KLF12: variants seen among roughly 807,000 people sequenced by gnomAD.
KLF12 encodes the protein KLF transcription factor 12.
Under a neutral mutation model 37.8 loss-of-function variants are expected in KLF12, and 9 were observed. The ratio of observed to expected loss-of-function variants is 0.24; its 90% CI spans 0.14 to 0.42. The LOEUF (loss-of-function observed/expected upper bound fraction) is 0.42, where lower values mean the gene tolerates loss of function less well. KLF12 is among the 10% of genes least tolerant of loss of function. The pLI is 1.00. For synonymous variants in KLF12, 208 were observed against 202.1 expected, an observed-to-expected ratio of 1.03 and a Z score of -0.25; for missense variants, 411 against 516.0, an observed-to-expected ratio of 0.80 and a Z score of 1.97.
rs1025112075 is a variant in KLF12, at chr13:73,688,513, A to G, written c.*6977T>C. ...GATTCTAGAATGTCTATATTGGTGGAAAGGTATACAAAGAGTTGAGGAACT... is the reference window on the plus strand; with the variant it reads ...GATTCTAGAATGTCTATATTGGTGGGAAGGTATACAAAGAGTTGAGGAACT... On this transcript the variant is annotated 3_prime_UTR_variant, in exon 8 of 8. Coordinates refer to ENST00000377669, the MANE Select transcript of KLF12 (RefSeq NM_007249.5). The G allele has an allele frequency of 1.3e-5, 2 of 152,178 alleles. No homozygotes were observed. The highest frequency in any genetic ancestry group is 2.4e-5 in the African/African-American group (1 of 41,456). The allele number at this position is 152,178 out of a possible 1,614,324, so 9.4% of individuals were successfully genotyped here.
At chr13:73,796,365 T>A (rs1881962886) in intron 5 of KLF12, among the ~76,000 whole-genome samples, 1 of 111,160 alleles carries the variant, frequency 9.0e-6, no homozygotes. Flanking sequence ...TATCTCTAGT[T>A]CACTTTTTTT....
chr13:74,021,026 C>T (rs1264386821), intron 1 of KLF12, among the ~76,000 whole-genome samples: 1 of 152,188 alleles, frequency 6.6e-6, no homozygotes, highest in Non-Finnish European at 1.5e-5. Flanking sequence ...TCTGCTACTA[C>T]ACAGCTGTGC....
chr13:74,191,626 T>G, the KLF12 span, among the ~76,000 whole-genome samples: 1 of 152,124 alleles, frequency 6.6e-6, no homozygotes, highest in Non-Finnish European at 1.5e-5. Flanking sequence ...CCTGAAGAAA[T>G]CATTGTTGCA....
intron 1 of KLF12, among the ~76,000 whole-genome samples, chr13:74,103,164 T>G (rs903726029): frequency 5.3e-5 from 8 of 152,270 alleles, no homozygotes; most frequent in Admixed American, 2.0e-4. Context: ...CAACTTGCTA[T>G]ACATTTAAAA....
At chr13:73,958,877 G>T (rs1444682472) in intron 2 of KLF12, among the ~76,000 whole-genome samples, 1 of 152,044 alleles carries the variant, frequency 6.6e-6, no homozygotes, top group Non-Finnish European at 1.5e-5. Context: ...ACAACGAACT[G>T]CTCTATCCAC....
chr13:73,942,217 C>T (rs529138648), intron 3 of KLF12, among the ~76,000 whole-genome samples: 1 of 152,176 alleles, frequency 6.6e-6, no homozygotes, highest in African/African-American at 2.4e-5. Flanking sequence ...GACCATTGGT[C>T]TGGGGCTAAG....
At chr13:74,056,374 T>A (rs1476481318) in intron 1 of KLF12, among the ~76,000 whole-genome samples, 1 of 152,332 alleles carries the variant, frequency 6.6e-6, no homozygotes, top group Admixed American at 6.5e-5. Context: ...CGTTGGTAGT[T>A]TTTTAGGGCC....
chr13:74,182,850 T>A, the KLF12 span, among the ~76,000 whole-genome samples: 31 of 152,214 alleles, frequency 2.0e-4, no homozygotes, highest in South Asian at 8.3e-4. Context: ...CTTTTTTTTT[T>A]ATGAAGCAAT....
the KLF12 span, among the ~76,000 whole-genome samples, chr13:74,181,712 CAAA>C: frequency 0.032 from 3,351 of 105,812 alleles, 152 homozygotes; most frequent in African/African-American, 0.094. Context: ...AAAAAAAAAA[CAAA>C]AAAAAAAAAA....
intron 2 of KLF12, among the ~76,000 whole-genome samples, chr13:73,983,866 A>G (rs1425675483): frequency 6.6e-6 from 1 of 152,230 alleles, no homozygotes; most frequent in Non-Finnish European, 1.5e-5. Context: ...AGAGGCCACA[A>G]ATAATCTTGC....
chr13:73,945,661 A>G (rs1890390568), intron 2 of KLF12, among the ~76,000 whole-genome samples: 1 of 152,150 alleles, frequency 6.6e-6, no homozygotes. Context: ...AAAAAAAGCA[A>G]ATTTACTCTG....
intron 6 of KLF12, among the ~76,000 whole-genome samples, chr13:73,749,181 A>G (rs969661412): frequency 1.3e-5 from 2 of 152,186 alleles, no homozygotes; most frequent in Non-Finnish European, 2.9e-5. Context: ...TCTTTATACC[A>G]ACATGGATTG....
chr13:73,963,165 A>G (rs1891070706), intron 2 of KLF12, among the ~76,000 whole-genome samples: 1 of 152,174 alleles, frequency 6.6e-6, no homozygotes, highest in African/African-American at 2.4e-5. Flanking sequence ...TTAAAATACA[A>G]TTAAATAAAG....
At chr13:73,813,451 T>TA (rs1173979968) in intron 4 of KLF12, among the ~76,000 whole-genome samples, 164 bp from the exon 5 acceptor site, 3 of 152,212 alleles carry the variant, frequency 2.0e-5, no homozygotes, top group Non-Finnish European at 4.4e-5. Context: ...TCTGAGTACT[T>TA]ACTGATTCTT....
At position 73,944,046 on chromosome 13, in the gene KLF12, T is replaced by C. The variant is rs777183578; in HGVS notation, c.58A>G (p.Met20Val). 2.5e-6 allele frequency: 4 copies of C among 1,611,472 alleles called. No individual in the cohort carries two copies. The East Asian group carries it at 6.7e-5, about 27-fold the overall frequency. Reference sequence around the variant, plus strand: ...GCCGGCATCCCATCAAGCATTAACATTCTGTTCTCAAAGGTGTTGATATTC... The same window carrying C: ...GCCGGCATCCCATCAAGCATTAACACTCTGTTCTCAAAGGTGTTGATATTC... The change falls in exon 3 of 8, where the codon ATG becomes GTG. Residue 20 changes from methionine to valine, a missense_variant. This residue lies in a region of KLF12 where 351 missense variants were observed against 397.8 expected (regional missense o/e 0.88). Coordinates refer to ENST00000377669, the MANE Select transcript of KLF12 (RefSeq NM_007249.5).
chr13:74,169,615 T>A, the KLF12 span, among the ~76,000 whole-genome samples: 1 of 152,228 alleles, frequency 6.6e-6, no homozygotes, highest in African/African-American at 2.4e-5. Context: ...AAGCTACCAC[T>A]CTTTGCCCTT....
chr13:74,180,379 T>C, the KLF12 span, among the ~76,000 whole-genome samples: 2 of 152,234 alleles, frequency 1.3e-5, no homozygotes, highest in African/African-American at 4.8e-5. Context: ...TTCTCATTTC[T>C]TCTAAATAAA....
chr13:74,187,281 G>A, the KLF12 span, among the ~76,000 whole-genome samples: 5 of 151,770 alleles, frequency 3.3e-5, no homozygotes, highest in African/African-American at 1.2e-4. Flanking sequence ...CAGTGATCAT[G>A]CCACTGCACT....
At chr13:74,012,801 G>C (rs1279755206) in intron 1 of KLF12, among the ~76,000 whole-genome samples, 2 of 150,894 alleles carry the variant, frequency 1.3e-5, no homozygotes, top group African/African-American at 4.8e-5. Context: ...ACAACTAGCA[G>C]TACTTAAAAA....
Sources: allele counts gnomAD v4.1 joint callset (sites outside exome capture counted in the v4.1 genomes callset), GRCh38; gene constraint gnomAD v4.1.1; regional missense constraint gnomAD v4.1.1; transcripts MANE v1.5; gene names NCBI Gene and HGNC (gene_info 2026-07-23, HGNC 2026-07-21).